EYA1: variants seen among roughly 807,000 people sequenced by gnomAD.
EYA1 encodes the protein protein phosphatase EYA1.
Under a neutral mutation model 82.0 loss-of-function variants are expected in EYA1, and 16 were observed. The ratio of observed to expected loss-of-function variants is 0.20; its 90% CI spans 0.13 to 0.30. The LOEUF (loss-of-function observed/expected upper bound fraction) is 0.30, where lower values mean the gene tolerates loss of function less well. Among genes scored for constraint, EYA1 ranks in the 10% least tolerant of loss-of-function variants. EYA1 has a pLI of 1.00. For missense variants in EYA1, 633 were observed against 730.7 expected, an observed-to-expected ratio of 0.87 and a Z score of 1.54; for synonymous variants, 261 against 264.4, an observed-to-expected ratio of 0.99 and a Z score of 0.12.
rs1585810559 is a variant in EYA1 at position 71,215,455 on chromosome 8, G to A, written c.1529C>T (p.Ala510Val). ...TCCTAACCCATACAGCAGGACTTTC[G>A]CCAATGCTGGGATGAGCTGAGTAGT... ...VTTTQLIPAL[A>V]KVLLYGLGIV... The change falls in exon 16 of 18, where the codon GCG (alanine) becomes GTG (valine). Residue 510 changes from alanine to valine, a missense_variant. Coordinates refer to ENST00000340726, the MANE Select transcript of EYA1 (RefSeq NM_000503.6). 6 of 1,612,796 alleles carry A rather than the reference G, an allele frequency of 3.7e-6. No homozygotes were observed. The highest frequency in any genetic ancestry group is 5.1e-6 in the Non-Finnish European group (6 of 1,178,810).
chr8:71,347,381 G>A (rs1178712134), intron 3 of EYA1, among the ~76,000 whole-genome samples: 3 of 152,104 alleles, frequency 2.0e-5, no homozygotes, highest in African/African-American at 7.2e-5. Context: ...GGAGTGCAGT[G>A]GCACGAATGT....
At chr8:71,253,215 T>G (rs75526969) in intron 11 of EYA1, among the ~76,000 whole-genome samples, 1 of 152,146 alleles carries the variant, frequency 6.6e-6, no homozygotes, top group African/African-American at 2.4e-5. Context: ...ACCATAATAC[T>G]AAAGAGAAGT....
chr8:71,427,166 G>C (rs538211836), intron 2 of EYA1, among the ~76,000 whole-genome samples: 1 of 152,128 alleles, frequency 6.6e-6, no homozygotes, highest in South Asian at 2.1e-4. Flanking sequence ...TTGAAACATC[G>C]CAATTTTTCA....
chr8:71,227,820 A>G (rs35732077), intron 12 of EYA1, among the ~76,000 whole-genome samples: 60,032 of 152,048 alleles, frequency 0.39, 12,393 homozygotes, highest in African/African-American at 0.49. Flanking sequence ...TTTTCTTGTA[A>G]TTAACCTTTT....
intron 2 of EYA1, among the ~76,000 whole-genome samples, chr8:71,534,112 C>T (rs900052614): frequency 1.1e-4 from 17 of 152,144 alleles, no homozygotes; most frequent in Admixed American, 9.2e-4. Flanking sequence ...GGCAGTATTT[C>T]TTTGCAGATA....
At chr8:71,542,112 G>T (rs565364540) in intron 1 of EYA1, among the ~76,000 whole-genome samples, 3 of 152,078 alleles carry the variant, frequency 2.0e-5, no homozygotes, top group South Asian at 2.1e-4. Flanking sequence ...GTGCAGGTTT[G>T]TTATATAGGT....
chr8:71,291,387 A>AT (rs1406756478), intron 9 of EYA1, among the ~76,000 whole-genome samples: 3 of 152,060 alleles, frequency 2.0e-5, no homozygotes, highest in Admixed American at 2.0e-4. Context: ...TCTTATACTG[A>AT]TTTTTCCTCT....
intron 1 of EYA1, 169 bp from the exon 2 acceptor site, chr8:71,356,680 A>G: frequency 7.6e-7 from 1 of 1,312,956 alleles, no homozygotes; most frequent in Non-Finnish European, 9.7e-7. Flanking sequence ...TGAGGTCTCA[A>G]CTGTTGTTTC....
Position 71,354,736 on chromosome 8 carries a change from T to C in EYA1, c.124+46A>G, listed in dbSNP as rs894547352. ...CACCTAATAACAAAGCATATACTGA[T>C]GAAGAAACAAGGTGCAAAGTAAATA... On this transcript the variant is annotated intron_variant, in intron 3 of 17. Transcript: ENST00000340726. 5 of 1,594,708 alleles carry C rather than the reference T, an allele frequency of 3.1e-6. No homozygotes were observed. The Middle Eastern group carries it at 5.0e-4, about 160-fold the overall frequency.
chr8:71,249,649 G>T (rs1838622), intron 11 of EYA1, among the ~76,000 whole-genome samples: 1 of 152,064 alleles, frequency 6.6e-6, no homozygotes, highest in South Asian at 2.1e-4. Flanking sequence ...TTGGTTCCTA[G>T]GACTTTATTC....
In EYA1 at chr8:71,429,312, C is replaced by T. The variant is rs73687717; in HGVS notation, c.34-72801G>A. Among the ~76,000 whole-genome samples, 679 of 152,210 alleles carry T rather than the reference C, an allele frequency of 4.5e-3. 6 individuals are homozygous for T. The highest frequency in any genetic ancestry group is 0.016 in the African/African-American group (647 of 41,536). ...ATCTAAATGTAACAAAAATCACTTT[C>T]ATTTTAATAAATGATAAAAGATGTC... On this transcript the variant is annotated intron_variant, in intron 2 of 18. Coordinates refer to the EYA1 transcript ENST00000643681.
chr8:71,308,683 C>A (rs1820994056), intron 7 of EYA1, among the ~76,000 whole-genome samples: 1 of 148,080 alleles, frequency 6.8e-6, no homozygotes, highest in African/African-American at 2.5e-5. Context: ...TAATACTGCC[C>A]AGTTATAACT....
intron 4 of EYA1, among the ~76,000 whole-genome samples, chr8:71,330,165 C>G (rs975656086): frequency 6.6e-6 from 1 of 152,098 alleles, no homozygotes; most frequent in African/African-American, 2.4e-5. Context: ...GGCTTTTACC[C>G]GTAGAGCCGA....
intron 1 of EYA1, among the ~76,000 whole-genome samples, chr8:71,358,022 GAACT>G (rs1384926751): frequency 1.3e-5 from 2 of 150,800 alleles, no homozygotes; most frequent in East Asian, 1.9e-4. Flanking sequence ...TTATAGGTGA[GAACT>G]AACTTAGTTT....
chr8:71,216,064 T>C (rs1809152450), intron 14 of EYA1, among the ~76,000 whole-genome samples: 2 of 152,110 alleles, frequency 1.3e-5, no homozygotes, highest in Non-Finnish European at 1.5e-5. Context: ...AAATGATAGA[T>C]TCCCTCCCCT....
intron 12 of EYA1, among the ~76,000 whole-genome samples, chr8:71,235,906 A>C (rs577001825): frequency 2.4e-4 from 37 of 152,312 alleles, no homozygotes; most frequent in African/African-American, 8.7e-4. Context: ...ATAGACATTA[A>C]ATCAGGATTA....
chr8:71,208,857 A>G (rs1214552409), intron 17 of EYA1, among the ~76,000 whole-genome samples: 2 of 152,238 alleles, frequency 1.3e-5, no homozygotes, highest in African/African-American at 4.8e-5. Context: ...CACTGAAGTC[A>G]AACTTCTAAG....
chr8:71,431,138 G>A (rs1805590971), intron 2 of EYA1, among the ~76,000 whole-genome samples: 1 of 152,044 alleles, frequency 6.6e-6, no homozygotes, highest in South Asian at 2.1e-4. Context: ...CCTATTTTTT[G>A]AGTATAATCA....
intron 2 of EYA1, among the ~76,000 whole-genome samples, chr8:71,462,005 TG>T (rs1808397844): frequency 6.6e-6 from 1 of 151,996 alleles, no homozygotes; most frequent in African/African-American, 2.4e-5. Context: ...GCATGCTGCT[TG>T]GTTCATGGGT....
Sources: allele counts gnomAD v4.1 joint callset (sites outside exome capture counted in the v4.1 genomes callset), GRCh38; gene constraint gnomAD v4.1.1; transcripts MANE v1.5; gene names NCBI Gene and HGNC (gene_info 2026-07-23, HGNC 2026-07-21).